RALB: variants seen among roughly 807,000 people sequenced by gnomAD.
RALB encodes ras-related protein Ral-B.
A neutral mutation model predicts 21.3 loss-of-function variants in RALB; 16 were observed. That is an observed-to-expected ratio of 0.75 (90% CI 0.51 to 1.14). The LOEUF (loss-of-function observed/expected upper bound fraction) is 1.14, where lower values mean the gene tolerates loss of function less well. Ranked by LOEUF, RALB falls within the 50% of genes most tolerant of loss-of-function variation. The probability of loss-of-function intolerance (pLI) is 0.00; values close to 1 mark genes in which losing one functional copy is unlikely to be tolerated. For missense variants in RALB, 161 were observed against 256.2 expected (o/e 0.63, Z 2.54); for synonymous variants, 93 against 96.1 (o/e 0.97, Z 0.19).
At chr2:120,244,846 T>C (rs1306832662) in intron 1 of RALB, among the ~76,000 whole-genome samples, 1 of 152,174 alleles carries the variant, frequency 6.6e-6, no homozygotes, top group African/African-American at 2.4e-5. Flanking sequence ...AGAGGCAACC[T>C]TTAGACACCA....
At chr2:120,253,121 G>T in intron 1 of RALB, 141 bp downstream of exon 1, 1 of 565,898 alleles carries the variant, frequency 1.8e-6, no homozygotes, top group Non-Finnish European at 2.2e-6. Context: ...CCCCGAGGCC[G>T]GCGGAGGGCG....
At chr2:120,260,477 T>G (rs1278229723) in intron 1 of RALB, among the ~76,000 whole-genome samples, 2 of 152,078 alleles carry the variant, frequency 1.3e-5, no homozygotes, top group Non-Finnish European at 2.9e-5. Context: ...AGGAGAGCGG[T>G]CAGGGCTGCA....
intron 2 of RALB, among the ~76,000 whole-genome samples, chr2:120,285,218 A>T (rs1041904465): frequency 6.6e-6 from 1 of 152,280 alleles, no homozygotes; most frequent in South Asian, 2.1e-4. Flanking sequence ...TTATGAAACC[A>T]TCAGGTCCTG....
At chr2:120,253,730 A>C (rs1338872044) in intron 1 of RALB, 1 of 985,146 alleles carries the variant, frequency 1.0e-6, no homozygotes, top group Non-Finnish European at 1.2e-6. Flanking sequence ...TGTTCTTATC[A>C]GGTGAGTCTT....
At chr2:120,242,490 T>G (rs888161380) in intron 1 of RALB, among the ~76,000 whole-genome samples, 1 of 152,214 alleles carries the variant, frequency 6.6e-6, no homozygotes, top group Non-Finnish European at 1.5e-5. Flanking sequence ...CTATAATCAC[T>G]TTGGGAGGCT....
At chr2:120,248,315 A>C (rs1267012669), upstream of RALB, among the ~76,000 whole-genome samples, 3 of 152,170 alleles carry the variant, frequency 2.0e-5, no homozygotes, top group Non-Finnish European at 4.4e-5. Flanking sequence ...CATGGAAGCA[A>C]GTCTCCACTG....
chr2:120,293,418 C>T lies in RALB; in HGVS notation c.*158C>T. On this transcript the variant is annotated 3_prime_UTR_variant, in exon 5 of 5. Coordinates refer to ENST00000272519, the MANE Select transcript of RALB (RefSeq NM_002881.3). ...GGGAAAAATATTTGTGACTCTGTGG[C>T]TGGCAGAAGAAATAAGCCCATGCAA... The T allele has an allele frequency of 1.5e-6, 1 of 682,030 alleles. No homozygotes were observed. The highest frequency in any genetic ancestry group is 2.1e-6 in the Non-Finnish European group (1 of 470,936). 42.2% of individuals were successfully genotyped at this position (682,030 alleles called of 1,614,324 possible).
At chr2:120,267,271 A>G (rs531682352) in intron 1 of RALB, among the ~76,000 whole-genome samples, 8 of 152,188 alleles carry the variant, frequency 5.3e-5, no homozygotes, top group Non-Finnish European at 8.8e-5. Flanking sequence ...GAAATATCTA[A>G]AACAAATTTC....
intron 1 of RALB, among the ~76,000 whole-genome samples, chr2:120,255,662 C>T (rs1045396509): frequency 1.1e-4 from 17 of 152,086 alleles, no homozygotes; most frequent in East Asian, 5.8e-4. Flanking sequence ...CAAAGAGGGA[C>T]GGTATATGTG....
intron 2 of RALB, among the ~76,000 whole-genome samples, chr2:120,279,048 A>G (rs1164695956): frequency 6.6e-6 from 1 of 152,212 alleles, no homozygotes; most frequent in African/African-American, 2.4e-5. Context: ...CTTTCTGACA[A>G]AAGCCCAGGG....
chr2:120,254,895 C>T (rs114884074), intron 1 of RALB, among the ~76,000 whole-genome samples: 2,671 of 152,252 alleles, frequency 0.018, 83 homozygotes, highest in African/African-American at 0.06. Context: ...AGGCTGGTCT[C>T]GAACTGCTGG....
At chr2:120,244,942 C>T (rs1574840341) in intron 1 of RALB, among the ~76,000 whole-genome samples, 2 of 152,336 alleles carry the variant, frequency 1.3e-5, no homozygotes, top group East Asian at 3.9e-4. Context: ...TCCCAAAAGT[C>T]AGGGAGCTGA....
chr2:120,265,642 C>G (rs1329777882), intron 1 of RALB, among the ~76,000 whole-genome samples: 1 of 152,206 alleles, frequency 6.6e-6, no homozygotes, highest in Non-Finnish European at 1.5e-5. Flanking sequence ...ACTCATAGAG[C>G]ACAGACCATG....
At chr2:120,248,751 C>T (rs1689010148), upstream of RALB, among the ~76,000 whole-genome samples, 1 of 152,174 alleles carries the variant, frequency 6.6e-6, no homozygotes, top group South Asian at 2.1e-4. Context: ...CTCCTGGGCT[C>T]AGCCTCCGCC....
chr2:120,292,432 C>A (rs1690327525), intron 4 of RALB, among the ~76,000 whole-genome samples: 1 of 152,270 alleles, frequency 6.6e-6, no homozygotes, highest in South Asian at 2.1e-4. Context: ...GATGTTCCAA[C>A]CTCCATGGGG....
At chr2:120,253,519 A>G in intron 1 of RALB, 1 of 985,322 alleles carries the variant, frequency 1.0e-6, no homozygotes, top group Non-Finnish European at 1.2e-6. Flanking sequence ...TTCCTTTCTG[A>G]TAGGGGCCAG....
chr2:120,264,148 T>C (rs1191275553), intron 1 of RALB, among the ~76,000 whole-genome samples: 1 of 150,018 alleles, frequency 6.7e-6, no homozygotes, highest in Non-Finnish European at 1.5e-5. Flanking sequence ...TGCGCTAGCC[T>C]ATTTATTTAT....
chr2:120,269,688 C>T (rs984616855), intron 1 of RALB, among the ~76,000 whole-genome samples: 8 of 152,184 alleles, frequency 5.3e-5, no homozygotes, highest in South Asian at 2.1e-4. Flanking sequence ...AGTCTCCACT[C>T]GACCCAGGAA....
At chr2:120,278,892 G>T in intron 2 of RALB, 114 bp downstream of exon 2, 4 of 987,934 alleles carry the variant, frequency 4.0e-6, no homozygotes. Context: ...GAGCAAGTCT[G>T]TGTTGAGGTG....
Sources: gnomAD v4.1 joint callset for allele counts (sites outside exome capture counted in the v4.1 genomes callset) on GRCh38, gnomAD v4.1.1 for gene constraint, MANE v1.5 for transcripts, NCBI Gene and HGNC (gene_info 2026-07-23, HGNC 2026-07-21) for gene names.